EYA1: variants seen among roughly 807,000 people sequenced by gnomAD.
EYA1 encodes protein phosphatase EYA1.
EYA1 carries 16 observed loss-of-function variants against 82.0 expected under a neutral mutation model. The ratio of observed to expected loss-of-function variants is 0.20; its 90% CI spans 0.13 to 0.30. The LOEUF (loss-of-function observed/expected upper bound fraction) is 0.30. EYA1 is among the 10% of genes least tolerant of loss of function. The probability of loss-of-function intolerance (pLI) is 1.00; values close to 1 mark genes in which losing one functional copy is unlikely to be tolerated. For synonymous variants in EYA1, 261 were observed against 264.4 expected, an observed-to-expected ratio of 0.99 and a Z score of 0.12; for missense variants, 633 against 730.7, an observed-to-expected ratio of 0.87 and a Z score of 1.54.
chr8:71,488,176 C>T (rs942704097), intron 2 of EYA1, among the ~76,000 whole-genome samples: 3 of 151,498 alleles, frequency 2.0e-5, no homozygotes, highest in Non-Finnish European at 4.4e-5. Context: ...CAATGATATA[C>T]ATCAAATATA....
chr8:71,544,874 G>T (rs1815426436), intron 1 of EYA1, among the ~76,000 whole-genome samples: 1 of 152,172 alleles, frequency 6.6e-6, no homozygotes, highest in African/African-American at 2.4e-5. Flanking sequence ...TTCTCATCTT[G>T]CTAGTTTCTG....
intron 11 of EYA1, among the ~76,000 whole-genome samples, chr8:71,255,807 T>C (rs941012512): frequency 6.6e-6 from 1 of 152,142 alleles, no homozygotes; most frequent in South Asian, 2.1e-4. Context: ...GAGAAAATAT[T>C]TGAAAATCAT....
intron 9 of EYA1, among the ~76,000 whole-genome samples, chr8:71,285,483 T>C (rs1425271819): frequency 1.3e-5 from 2 of 152,154 alleles, no homozygotes; most frequent in South Asian, 2.1e-4. Context: ...ACTCCTTACA[T>C]TGGGAGAGAT....
rs550772715 is a variant in EYA1 at position 71,329,152 on chromosome 8, T to C, written c.202+4945A>G. Among the ~76,000 whole-genome samples, 3 of 152,288 alleles carry C rather than the reference T, an allele frequency of 2.0e-5. No individual in the cohort carries two copies. In the South Asian group the frequency reaches 6.2e-4, roughly 32 times the overall value. On this transcript the variant is annotated intron_variant, in intron 4 of 17. Transcript: ENST00000340726. ...CACTGAGTTTAAGTAAGGAATATCA[T>C]TTCTGTCTAGAATTTTCATTCCTTT...
intron 2 of EYA1, among the ~76,000 whole-genome samples, chr8:71,453,755 G>A (rs1318906631): frequency 6.6e-6 from 1 of 152,144 alleles, no homozygotes; most frequent in Non-Finnish European, 1.5e-5. Flanking sequence ...TGCCCTACAA[G>A]CGCTCCTGAA....
chr8:71,505,674 C>T (rs1387516921), intron 2 of EYA1, among the ~76,000 whole-genome samples: 1 of 152,204 alleles, frequency 6.6e-6, no homozygotes, highest in Non-Finnish European at 1.5e-5. Flanking sequence ...GCTTGGAGAA[C>T]CTGGCCTGCT....
At chr8:71,483,303 C>A (rs1177967806) in intron 2 of EYA1, among the ~76,000 whole-genome samples, 1 of 152,160 alleles carries the variant, frequency 6.6e-6, no homozygotes, top group Non-Finnish European at 1.5e-5. Context: ...TAAATGTCAT[C>A]TTCTCACCAA....
chr8:71,214,092 C>T (rs564444583), intron 16 of EYA1, among the ~76,000 whole-genome samples: 19 of 152,224 alleles, frequency 1.2e-4, no homozygotes, highest in African/African-American at 1.9e-4. Flanking sequence ...TGCAGGCAAA[C>T]GGAAGTTAGA....
At chr8:71,290,290 A>G (rs1818855548) in intron 9 of EYA1, among the ~76,000 whole-genome samples, 1 of 152,174 alleles carries the variant, frequency 6.6e-6, no homozygotes, top group Non-Finnish European at 1.5e-5. Flanking sequence ...ACCATCTCCA[A>G]TTAAAAAACT....
intron 12 of EYA1, among the ~76,000 whole-genome samples, chr8:71,241,136 A>AT (rs1812439485): frequency 6.6e-6 from 1 of 152,198 alleles, no homozygotes; most frequent in African/African-American, 2.4e-5. Flanking sequence ...TCCTAAGATA[A>AT]TTATGTCTCC....
At chr8:71,455,960 T>G (rs1807862857) in intron 2 of EYA1, among the ~76,000 whole-genome samples, 1 of 152,116 alleles carries the variant, frequency 6.6e-6, no homozygotes, top group Admixed American at 6.5e-5. Flanking sequence ...AAAGAGGAAG[T>G]CAAATTGTCC....
chr8:71,432,778 C>G (rs1206225656), intron 2 of EYA1, among the ~76,000 whole-genome samples: 3 of 152,106 alleles, frequency 2.0e-5, no homozygotes, highest in Non-Finnish European at 2.9e-5. Flanking sequence ...TACAATGCAG[C>G]CCTAACAGAT....
chr8:71,484,172 G>GA (rs1031463145), intron 2 of EYA1, among the ~76,000 whole-genome samples: 4 of 152,156 alleles, frequency 2.6e-5, no homozygotes, highest in Non-Finnish European at 5.9e-5. Context: ...AGGGGAAAGG[G>GA]AAAAAACTGA....
intron 2 of EYA1, among the ~76,000 whole-genome samples, chr8:71,456,545 G>C (rs1435081429): frequency 6.6e-6 from 1 of 151,994 alleles, no homozygotes; most frequent in African/African-American, 2.4e-5. Flanking sequence ...CATGCTACTG[G>C]TACCAAAACA....
At chr8:71,311,414 T>G (rs916417187) in intron 7 of EYA1, among the ~76,000 whole-genome samples, 5 of 152,224 alleles carry the variant, frequency 3.3e-5, no homozygotes, top group African/African-American at 1.2e-4. Context: ...GTTTCACTAT[T>G]GTGGCCAGTG....
intron 2 of EYA1, among the ~76,000 whole-genome samples, chr8:71,496,968 G>A (rs1404678467): frequency 6.7e-6 from 1 of 148,202 alleles, no homozygotes; most frequent in Non-Finnish European, 1.5e-5. Context: ...GACCCCAAAA[G>A]CACAGGCAAC....
intron 2 of EYA1, among the ~76,000 whole-genome samples, chr8:71,367,978 G>C (rs1427049496): frequency 6.6e-6 from 1 of 152,176 alleles, no homozygotes; most frequent in Non-Finnish European, 1.5e-5. Context: ...AGGAATGCTT[G>C]TTTTAGATGG....
chr8:71,497,229 C>CA (rs1416071793), intron 2 of EYA1, among the ~76,000 whole-genome samples: 6 of 152,230 alleles, frequency 3.9e-5, no homozygotes, highest in East Asian at 1.9e-4. Flanking sequence ...AATAATTACA[C>CA]AAAAAATCTC....
chr8:71,368,957 G>T (rs772022313), intron 2 of EYA1, among the ~76,000 whole-genome samples: 6 of 150,982 alleles, frequency 4.0e-5, no homozygotes, highest in Non-Finnish European at 8.8e-5. Flanking sequence ...GGGAGGTCGA[G>T]GCAGGTGGAT....
Sources: gnomAD v4.1 joint callset for allele counts (sites outside exome capture counted in the v4.1 genomes callset) on GRCh38, gnomAD v4.1.1 for gene constraint, MANE v1.5 for transcripts, NCBI Gene and HGNC (gene_info 2026-07-23, HGNC 2026-07-21) for gene names.